The following CENPW variants were observed in gnomAD, a reference collection of about 807,000 sequenced individuals.
The protein encoded by CENPW is centromere protein W.
Under a neutral mutation model 11.1 loss-of-function variants are expected in CENPW, and 3 were observed. The ratio of observed to expected loss-of-function variants is 0.27; its 90% confidence interval spans 0.12 to 0.70. CENPW has a LOEUF of 0.70. Ranked by LOEUF, CENPW falls within the 30% of genes least tolerant of loss-of-function variation. The pLI is 0.77. For missense variants in CENPW, 100 were observed against 105.6 expected (o/e 0.95, Z 0.23); for synonymous variants, 38 against 42.0 (o/e 0.91, Z 0.37).
the CENPW span, among the ~76,000 whole-genome samples, chr6:126,431,465 A>G: frequency 6.6e-6 from 1 of 152,192 alleles, no homozygotes; most frequent in Non-Finnish European, 1.5e-5. Flanking sequence ...ACCTTATTAT[A>G]TAGATGAAAC....
chr6:126,426,769 T>G, the CENPW span, among the ~76,000 whole-genome samples: 1 of 152,172 alleles, frequency 6.6e-6, no homozygotes, highest in South Asian at 2.1e-4. Flanking sequence ...AATGAGCTAT[T>G]CAAAGGAACC....
At chr6:126,363,937 C>G in the CENPW span, among the ~76,000 whole-genome samples, 1 of 152,154 alleles carries the variant, frequency 6.6e-6, no homozygotes, top group Non-Finnish European at 1.5e-5. Flanking sequence ...ATATTCAGCA[C>G]CAAAGGGGAC....
chr6:126,418,873 T>C, the CENPW span, among the ~76,000 whole-genome samples: 1 of 137,586 alleles, frequency 7.3e-6, no homozygotes, highest in Non-Finnish European at 1.5e-5. Flanking sequence ...TAGGTGGGAA[T>C]TGAACAATGA....
downstream of CENPW, among the ~76,000 whole-genome samples, chr6:126,352,062 C>T (rs1195497691): frequency 6.6e-6 from 1 of 152,048 alleles, no homozygotes; most frequent in East Asian, 1.9e-4. Context: ...AGCAGGTAGC[C>T]AGGTGATGCT....
chr6:126,368,769 C>T, the CENPW span, among the ~76,000 whole-genome samples: 53 of 152,072 alleles, frequency 3.5e-4, no homozygotes, highest in South Asian at 9.1e-3. Flanking sequence ...CTCAGCCTCC[C>T]GAGTAGCTGA....
chr6:126,470,230 T>G, the CENPW span, among the ~76,000 whole-genome samples: 1 of 152,198 alleles, frequency 6.6e-6, no homozygotes, highest in Non-Finnish European at 1.5e-5. Context: ...CTGCGCAGCC[T>G]TGGAACTTGG....
the CENPW span, among the ~76,000 whole-genome samples, chr6:126,444,681 G>A: frequency 2.7e-5 from 4 of 150,648 alleles, no homozygotes; most frequent in Non-Finnish European, 4.4e-5. Context: ...AGATTGTTTT[G>A]AAATATTAGG....
chr6:126,464,593 C>T, the CENPW span, among the ~76,000 whole-genome samples: 3 of 152,122 alleles, frequency 2.0e-5, no homozygotes, highest in African/African-American at 7.2e-5. Flanking sequence ...TTCCTGCCCT[C>T]GAACATCAGA....
chr6:126,404,781 T>C, the CENPW span, among the ~76,000 whole-genome samples: 107 of 152,164 alleles, frequency 7.0e-4, no homozygotes, highest in African/African-American at 2.4e-3. Context: ...CATATACCTA[T>C]TGGCCATTTG....
At chr6:126,471,433 T>C in the CENPW span, among the ~76,000 whole-genome samples, 27 of 152,168 alleles carry the variant, frequency 1.8e-4, no homozygotes, top group African/African-American at 6.5e-4. Flanking sequence ...CAGTCTCAGG[T>C]AGTAACTTTA....
the CENPW span, among the ~76,000 whole-genome samples, chr6:126,365,529 A>C: frequency 6.6e-6 from 1 of 152,154 alleles, no homozygotes; most frequent in Non-Finnish European, 1.5e-5. Flanking sequence ...CTCTGTTATG[A>C]GAACAGCAAG....
the CENPW span, among the ~76,000 whole-genome samples, chr6:126,445,073 C>T: frequency 6.6e-6 from 1 of 151,096 alleles, no homozygotes; most frequent in Non-Finnish European, 1.5e-5. Flanking sequence ...TTCTGTGGTC[C>T]CTTGAACTCA....
chr6:126,346,173 T>G, intron 1 of CENPW, 32 bp from the exon 2 acceptor site: 1 of 1,347,912 alleles, frequency 7.4e-7, no homozygotes, highest in East Asian at 2.3e-5. Context: ...GTATTTGAGC[T>G]TAAAAATCCA....
chr6:126,344,438 A>T (rs911708222), intron 1 of CENPW, among the ~76,000 whole-genome samples: 9 of 152,200 alleles, frequency 5.9e-5, no homozygotes, highest in African/African-American at 1.9e-4. Flanking sequence ...ATTTAGTGTT[A>T]AGGAATTTGG....
the CENPW span, among the ~76,000 whole-genome samples, chr6:126,400,360 G>T: frequency 6.6e-6 from 1 of 151,900 alleles, no homozygotes; most frequent in African/African-American, 2.4e-5. Context: ...ATCTTCTTTT[G>T]CGAGTTCTCT....
At chr6:126,382,764 C>T in the CENPW span, among the ~76,000 whole-genome samples, 1 of 152,026 alleles carries the variant, frequency 6.6e-6, no homozygotes, top group Non-Finnish European at 1.5e-5. Context: ...TGAATGAAAC[C>T]TCCAAGAAGT....
At chr6:126,413,346 C>G in the CENPW span, among the ~76,000 whole-genome samples, 1 of 152,066 alleles carries the variant, frequency 6.6e-6, no homozygotes, top group African/African-American at 2.4e-5. Flanking sequence ...AGAAAAGTAT[C>G]AATTCATATA....
At chr6:126,465,951 T>C in the CENPW span, among the ~76,000 whole-genome samples, 2 of 152,092 alleles carry the variant, frequency 1.3e-5, no homozygotes, top group Admixed American at 6.6e-5. Flanking sequence ...TACACCTAAA[T>C]GTAAAACCTA....
the CENPW span, among the ~76,000 whole-genome samples, chr6:126,416,672 C>T: frequency 6.6e-6 from 1 of 152,288 alleles, no homozygotes; most frequent in East Asian, 1.9e-4. Flanking sequence ...CAGGCCATGG[C>T]TTCAGAGGGT....
Sources: gnomAD v4.1 joint callset for allele counts (sites outside exome capture counted in the v4.1 genomes callset) on GRCh38, gnomAD v4.1.1 for gene constraint, MANE v1.5 for transcripts, NCBI Gene and HGNC (gene_info 2026-07-23, HGNC 2026-07-21) for gene names.